Variants in KCNMA1 observed in about 807,000 individuals in gnomAD.
KCNMA1 encodes the protein Calcium-activated potassium channel subunit alpha-1.
Under a neutral mutation model 140.0 loss-of-function variants are expected in KCNMA1, and 29 were observed. The ratio of observed to expected loss-of-function variants is 0.21; its 90% CI spans 0.15 to 0.28. The LOEUF (loss-of-function observed/expected upper bound fraction) is 0.28. Among genes scored for constraint, KCNMA1 ranks in the 10% least tolerant of loss-of-function variants. The pLI, the probability that KCNMA1 is intolerant of heterozygous loss-of-function variation, is 1.00. For synonymous variants in KCNMA1, 612 were observed against 611.9 expected, an observed-to-expected ratio of 1.00 and a Z score of 0.00; for missense variants, 880 against 1,602.2, an observed-to-expected ratio of 0.55 and a Z score of 7.70.
At chr10:77,573,463 G>C (rs991353873) in intron 1 of KCNMA1, among the ~76,000 whole-genome samples, 4 of 152,140 alleles carry the variant, frequency 2.6e-5, no homozygotes, top group Admixed American at 6.5e-5. Flanking sequence ...TTGTGACTAA[G>C]AGAAGCATAA....
chr10:77,593,289 G>C (rs1008351508), intron 1 of KCNMA1, among the ~76,000 whole-genome samples: 1 of 152,188 alleles, frequency 6.6e-6, no homozygotes, highest in African/African-American at 2.4e-5. Context: ...CTGAGTTCTA[G>C]GGACCTCAAA....
At chr10:77,186,888 G>T (rs2098865651) in intron 3 of KCNMA1, among the ~76,000 whole-genome samples, 4 of 151,926 alleles carry the variant, frequency 2.6e-5, no homozygotes, top group African/African-American at 7.3e-5. Context: ...ACTTGTGCCA[G>T]CGGGGACTCA....
chr10:76,978,934 AT>A lies in KCNMA1; in HGVS notation c.2267-8868del, dbSNP rs541731044. Among the ~76,000 whole-genome samples the A allele has an allele frequency of 2.6e-3, 398 of 152,264 alleles. 2 individuals are homozygous for A. Among genetic ancestry groups the A allele is most frequent in the Middle Eastern group, 3.4e-3 (1 of 294 alleles). On this transcript the variant is annotated intron_variant, in intron 19 of 27. Coordinates refer to ENST00000286628, the MANE Select transcript of KCNMA1 (RefSeq NM_001161352.2). Reference sequence around the variant, plus strand: ...TTCATCCTGGATTTTTTAAATTTTGATTATTTTGAAAATATTTTATTTTGAT... The same window carrying A: ...TTCATCCTGGATTTTTTAAATTTTGATATTTTGAAAATATTTTATTTTGAT...
intron 12 of KCNMA1, among the ~76,000 whole-genome samples, chr10:77,082,092 G>A (rs374492494): frequency 8.9e-5 from 12 of 134,402 alleles, no homozygotes; most frequent in East Asian, 2.2e-4. Context: ...GCAGTGGCGC[G>A]ATCTTGGCTC....
chr10:77,564,906 C>T (rs2067647306), intron 1 of KCNMA1, among the ~76,000 whole-genome samples: 1 of 152,180 alleles, frequency 6.6e-6, no homozygotes, highest in Non-Finnish European at 1.5e-5. Flanking sequence ...GAGTCAGTGA[C>T]ATCATGAAAT....
At chr10:77,224,798 A>G (rs1286966329) in intron 3 of KCNMA1, among the ~76,000 whole-genome samples, 1 of 152,154 alleles carries the variant, frequency 6.6e-6, no homozygotes, top group African/African-American at 2.4e-5. Context: ...CTCATCCATC[A>G]AATGTCGATG....
chr10:77,147,927 CA>C (rs2098339170), intron 5 of KCNMA1: 1 of 152,240 alleles, frequency 6.6e-6, no homozygotes, highest in African/African-American at 2.4e-5. Context: ...ACAGGGCCCC[CA>C]CCATCTAAAA....
At chr10:77,298,753 G>C (rs1326371895) in intron 2 of KCNMA1, among the ~76,000 whole-genome samples, 1 of 152,134 alleles carries the variant, frequency 6.6e-6, no homozygotes, top group Non-Finnish European at 1.5e-5. Flanking sequence ...GAGAGAAATG[G>C]CCCTCGGCAT....
chr10:77,241,224 A>G (rs1445731510), intron 3 of KCNMA1, among the ~76,000 whole-genome samples: 1 of 152,186 alleles, frequency 6.6e-6, no homozygotes, highest in Non-Finnish European at 1.5e-5. Flanking sequence ...AATAAAGTCA[A>G]TTTCTCCAGC....
chr10:77,583,582 C>A (rs1227598587), intron 1 of KCNMA1, among the ~76,000 whole-genome samples: 1 of 152,196 alleles, frequency 6.6e-6, no homozygotes, highest in African/African-American at 2.4e-5. Flanking sequence ...TGACCAAGAG[C>A]CCATCCTTGA....
In KCNMA1 at chr10:76,990,786, A is replaced by T. The variant is rs549598235; in HGVS notation, c.2266+10621T>A. Among the ~76,000 whole-genome samples, 6 of 152,314 alleles carry T rather than the reference A, an allele frequency of 3.9e-5. No individual in the cohort carries two copies. The East Asian group carries it at 9.7e-4, about 25-fold the overall frequency. On this transcript the variant is annotated intron_variant, in intron 19 of 27. Coordinates refer to ENST00000286628, the MANE Select transcript of KCNMA1 (RefSeq NM_001161352.2). Reference sequence around the variant, plus strand: ...GGAAATTTACTCATCTGCACTGAAGAAATGGCCAGATCAGCCTTGACAAAA... The same window carrying T: ...GGAAATTTACTCATCTGCACTGAAGTAATGGCCAGATCAGCCTTGACAAAA...
Position 76,891,683 on chromosome 10 carries a change from T to C in KCNMA1, c.3184A>G (p.Thr1062Ala), listed in dbSNP as rs1228573295. 2 of 1,613,938 alleles carry C rather than the reference T, an allele frequency of 1.2e-6. No homozygotes were observed. The highest frequency in any genetic ancestry group is 1.7e-6 in the Non-Finnish European group (2 of 1,180,010). The change falls in exon 26 of 28, where the codon ACC becomes GCC. Residue 1062 changes from threonine to alanine, a missense_variant. Physicochemically the swap from Thr to Ala is moderately conservative, Grantham distance 58. Around this residue, in one of 13 missense-constraint regions of KCNMA1, gnomAD observed 18 missense variants for 51.3 expected, o/e 0.35. Coordinates refer to ENST00000286628, the MANE Select transcript of KCNMA1 (RefSeq NM_001161352.2). The stretch of plus-strand genomic sequence containing the variant: ...GGCGTGGCTCCTCCGGTCACCAGGG[T>C]CCGTATCAGGGTGAGGATATTGTCA... ...FNDNILTLIRTLVTGGATPEL... is the reference protein window; with the variant it reads ...FNDNILTLIRALVTGGATPEL...
chr10:77,091,163 A>G (rs1260237102), intron 9 of KCNMA1: 1 of 153,770 alleles, frequency 6.5e-6, no homozygotes, highest in Non-Finnish European at 1.4e-5. Context: ...ATGCCTATGG[A>G]ATGGAAGATC....
intron 5 of KCNMA1, among the ~76,000 whole-genome samples, chr10:77,131,449 G>C (rs1046773252): frequency 6.6e-6 from 1 of 151,920 alleles, no homozygotes; most frequent in Admixed American, 6.6e-5. Flanking sequence ...TCACACAGGC[G>C]TAACACTGAG....
intron 2 of KCNMA1, among the ~76,000 whole-genome samples, chr10:77,264,137 C>T (rs1472096167): frequency 2.0e-5 from 3 of 152,134 alleles, no homozygotes; most frequent in Non-Finnish European, 4.4e-5. Context: ...CATGTGTATT[C>T]GCGCAAGTTT....
intron 16 of KCNMA1, among the ~76,000 whole-genome samples, chr10:77,025,989 G>GAAAAA (rs141656183): frequency 6.8e-5 from 9 of 131,864 alleles, no homozygotes; most frequent in African/African-American, 2.0e-4. Flanking sequence ...CTTTTCTGAA[G>GAAAAA]AAAAAAAAAA....
intron 1 of KCNMA1, among the ~76,000 whole-genome samples, chr10:77,419,189 T>C (rs1226281817): frequency 2.6e-5 from 4 of 152,144 alleles, no homozygotes; most frequent in Non-Finnish European, 5.9e-5. Context: ...GGAGAGTTCC[T>C]TTTACATCTC....
chr10:77,586,713 C>A (rs2154563905), intron 1 of KCNMA1, among the ~76,000 whole-genome samples: 1 of 152,312 alleles, frequency 6.6e-6, no homozygotes, highest in East Asian at 1.9e-4. Context: ...AATGATCCCA[C>A]AGGTGAAAGA....
chr10:77,481,786 A>G (rs1057221495), intron 1 of KCNMA1, among the ~76,000 whole-genome samples: 1 of 151,514 alleles, frequency 6.6e-6, no homozygotes, highest in Non-Finnish European at 1.5e-5. Context: ...AAAAAAAAAA[A>G]AAAAAGAAAG....
Sources: allele counts gnomAD v4.1 joint callset (sites outside exome capture counted in the v4.1 genomes callset), GRCh38; gene constraint gnomAD v4.1.1; regional missense constraint gnomAD v4.1.1; transcripts MANE v1.5; gene names NCBI Gene and HGNC (gene_info 2026-07-23, HGNC 2026-07-21).